ERBB4: variants seen among roughly 807,000 people sequenced by gnomAD.
ERBB4 encodes receptor tyrosine-protein kinase erbB-4.
ERBB4 carries 42 observed loss-of-function variants against 158.0 expected under a neutral mutation model. The ratio of observed to expected loss-of-function variants is 0.27; its 90% CI spans 0.21 to 0.34. The LOEUF is 0.34. ERBB4 is among the 10% of genes least tolerant of loss of function. ERBB4 has a pLI of 1.00. For synonymous variants in ERBB4, 583 were observed against 558.7 expected (o/e 1.04, Z -0.61); for missense variants, 1,333 against 1,624.1 (o/e 0.82, Z 3.08).
chr2:211,787,560 G>A (rs995423381), intron 4 of ERBB4, among the ~76,000 whole-genome samples: 7 of 152,150 alleles, frequency 4.6e-5, no homozygotes, highest in East Asian at 3.9e-4. Context: ...GTATGACCAC[G>A]AAGGCTTCAG....
intron 3 of ERBB4, among the ~76,000 whole-genome samples, chr2:211,917,415 A>T (rs1267725695): frequency 3.3e-5 from 5 of 152,138 alleles, no homozygotes; most frequent in Non-Finnish European, 7.4e-5. Flanking sequence ...TGACATTTAG[A>T]GAGTGTGCAA....
intron 20 of ERBB4, among the ~76,000 whole-genome samples, chr2:211,523,669 A>C (rs1022249691): frequency 6.6e-6 from 1 of 151,946 alleles, no homozygotes; most frequent in African/African-American, 2.4e-5. Context: ...CGGCTTCAGG[A>C]GTGAAGCTGC....
chr2:212,376,556 C>T (rs1241574681), intron 1 of ERBB4, among the ~76,000 whole-genome samples: 3 of 152,056 alleles, frequency 2.0e-5, no homozygotes, highest in African/African-American at 7.2e-5. Context: ...CAAACAAAGG[C>T]AATTTTGTGA....
intron 2 of ERBB4, among the ~76,000 whole-genome samples, chr2:212,122,163 T>C (rs890736355): frequency 6.6e-6 from 1 of 151,814 alleles, no homozygotes; most frequent in Non-Finnish European, 1.5e-5. Flanking sequence ...AACACATATA[T>C]GTAATATGCC....
chr2:212,017,978 G>A (rs1381584815), intron 2 of ERBB4, among the ~76,000 whole-genome samples: 4 of 152,118 alleles, frequency 2.6e-5, no homozygotes, highest in Admixed American at 6.5e-5. Context: ...ATTCATCAAA[G>A]AGGACAACCA....
At chr2:211,497,881 G>A (rs1219762400) in intron 20 of ERBB4, among the ~76,000 whole-genome samples, 1 of 152,050 alleles carries the variant, frequency 6.6e-6, no homozygotes, top group Non-Finnish European at 1.5e-5. Flanking sequence ...ATCTATTTTT[G>A]TCTAACTAGA....
chr2:212,057,173 G>A (rs910659453), intron 2 of ERBB4, among the ~76,000 whole-genome samples: 2 of 152,170 alleles, frequency 1.3e-5, no homozygotes, highest in African/African-American at 4.8e-5. Context: ...AAGATCGAAA[G>A]AGACAAAGAA....
At chr2:212,307,152 T>C (rs2086839383) in intron 1 of ERBB4, among the ~76,000 whole-genome samples, 1 of 151,208 alleles carries the variant, frequency 6.6e-6, no homozygotes, top group African/African-American at 2.4e-5. Flanking sequence ...GGCTCAGTCA[T>C]TTAGTCTCTC....
intron 1 of ERBB4, among the ~76,000 whole-genome samples, chr2:212,469,149 A>G (rs2106109430): frequency 6.6e-6 from 1 of 152,312 alleles, no homozygotes; most frequent in African/African-American, 2.4e-5. Context: ...AAATCTACAT[A>G]TAATACAGTG....
intron 20 of ERBB4, among the ~76,000 whole-genome samples, chr2:211,552,849 T>C (rs757279680): frequency 2.6e-5 from 4 of 152,230 alleles, no homozygotes; most frequent in Admixed American, 6.5e-5. Flanking sequence ...TAGCTTGAGA[T>C]TGAAAAGTTA....
At chr2:211,948,163 A>G (rs2080756027) in intron 2 of ERBB4, among the ~76,000 whole-genome samples, 1 of 152,104 alleles carries the variant, frequency 6.6e-6, no homozygotes, top group African/African-American at 2.4e-5. Flanking sequence ...GTGGCCGGGC[A>G]TGGTGGCTCA....
chr2:212,506,672 C>T (rs767028938), intron 1 of ERBB4, among the ~76,000 whole-genome samples: 45 of 152,110 alleles, frequency 3.0e-4, no homozygotes, highest in Non-Finnish European at 3.5e-4. Flanking sequence ...CTCAATTCCA[C>T]GAAGGCTGAG....
intron 3 of ERBB4, among the ~76,000 whole-genome samples, chr2:211,931,362 A>G (rs1292100849): frequency 6.6e-6 from 1 of 152,104 alleles, no homozygotes; most frequent in Non-Finnish European, 1.5e-5. Flanking sequence ...TACACACAGA[A>G]CAATCAAACC....
At chr2:212,214,857 GTT>G (rs2083050254) in intron 1 of ERBB4, among the ~76,000 whole-genome samples, 1 of 151,576 alleles carries the variant, frequency 6.6e-6, no homozygotes, top group Non-Finnish European at 1.5e-5. Context: ...ACAACTCTAT[GTT>G]TATTAATGGC....
chr2:212,472,062 T>C (rs1357572931), intron 1 of ERBB4, among the ~76,000 whole-genome samples: 1 of 151,892 alleles, frequency 6.6e-6, no homozygotes, highest in Non-Finnish European at 1.5e-5. Context: ...TTGTAACTTA[T>C]TAAATATTTA....
intron 20 of ERBB4, among the ~76,000 whole-genome samples, chr2:211,500,374 T>C (rs1276583956): frequency 6.6e-6 from 1 of 152,092 alleles, no homozygotes; most frequent in African/African-American, 2.4e-5. Flanking sequence ...CTGAAGCTTA[T>C]TTACTGAGGA....
chr2:211,727,218 T>C (rs1261290185), intron 5 of ERBB4, among the ~76,000 whole-genome samples: 3 of 152,194 alleles, frequency 2.0e-5, no homozygotes, highest in African/African-American at 7.2e-5. Context: ...ATTTTTAAGA[T>C]GGAGTTAGTA....
chr2:211,743,558 T>C (rs2074864640), intron 5 of ERBB4, among the ~76,000 whole-genome samples: 1 of 152,222 alleles, frequency 6.6e-6, no homozygotes, highest in African/African-American at 2.4e-5. Flanking sequence ...TCTTTAATCA[T>C]TATTATTTAT....
rs182818944 is a variant in ERBB4 at position 212,219,064 on chromosome 2, C to A, written c.83-94161G>T. 5.6e-3 allele frequency among the ~76,000 whole-genome samples: 849 copies of A among 151,000 alleles called. 7 individuals are homozygous for A. Among genetic ancestry groups the A allele is most frequent in the Non-Finnish European group, 9.8e-3 (661 of 67,356 alleles). ...ATGTTTTAAAATAGTATTTTCTCCC[C>A]CGATTTAAAGAAAGGAAAGAATAGA... On this transcript the variant is annotated intron_variant, in intron 1 of 27. Coordinates refer to ENST00000342788, the MANE Select transcript of ERBB4 (RefSeq NM_005235.3).
Sources: allele counts gnomAD v4.1 joint callset (sites outside exome capture counted in the v4.1 genomes callset), GRCh38; gene constraint gnomAD v4.1.1; transcripts MANE v1.5; gene names NCBI Gene and HGNC (gene_info 2026-07-23, HGNC 2026-07-21).